Variants in TCF20 observed in about 807,000 individuals in gnomAD.
The protein encoded by TCF20 is transcription factor 20, also known as SPRE-binding protein.
A neutral mutation model predicts 148.6 loss-of-function variants in TCF20; 3 were observed. That is an observed-to-expected ratio of 0.02 (90% CI 0.01 to 0.05). The LOEUF (loss-of-function observed/expected upper bound fraction) is 0.05. Ranked by LOEUF, TCF20 falls within the 10% of genes least tolerant of loss-of-function variation. TCF20 has a pLI of 1.00. For synonymous variants in TCF20, 1,049 were observed against 909.5 expected (o/e 1.15, Z -2.76); for missense variants, 2,350 against 2,429.3 (o/e 0.97, Z 0.69).
rs377462271 is a variant in TCF20, at chr22:42,221,762, G to A, written c.-36-6421C>T. Among the ~76,000 whole-genome samples, 40 of 7,892 alleles carry A rather than the reference G, an allele frequency of 5.1e-3. No individual in the cohort carries two copies. The African/African-American group carries it at 0.11, about 22-fold the overall frequency. 5.2% of individuals were successfully genotyped at this position (7,892 alleles called of 152,430 possible). A position where few individuals can be genotyped will look rare whatever the true frequency, so the allele number is the denominator to read the frequency against. ...GGGTTTTTTTTTTTTTTTTTGAGAC[G>A]GAGTCTCGTTCTGTTGCCCAGGCTG... On this transcript the variant is annotated intron_variant, in intron 1 of 5. Transcript: ENST00000677622.
intron 1 of TCF20, among the ~76,000 whole-genome samples, chr22:42,248,889 C>G (rs1925133969): frequency 6.6e-6 from 1 of 152,166 alleles, no homozygotes; most frequent in South Asian, 2.1e-4. Flanking sequence ...GATTTGTGGA[C>G]TTAATTTTAG....
chr22:42,243,890 T>C (rs1924684393), intron 1 of TCF20, among the ~76,000 whole-genome samples: 1 of 152,046 alleles, frequency 6.6e-6, no homozygotes, highest in Non-Finnish European at 1.5e-5. Context: ...TAGGTATGGC[T>C]ATAGGAAAGA....
At chr22:42,193,445 C>A (rs982706305) in intron 2 of TCF20, among the ~76,000 whole-genome samples, 1 of 151,820 alleles carries the variant, frequency 6.6e-6, no homozygotes, top group Non-Finnish European at 1.5e-5. Flanking sequence ...AATCCTCTTG[C>A]CTCTACTTCC....
At chr22:42,198,860 TC>T (rs1003801310) in intron 2 of TCF20, among the ~76,000 whole-genome samples, 4 of 152,158 alleles carry the variant, frequency 2.6e-5, no homozygotes, top group Non-Finnish European at 5.9e-5. Context: ...AGACAGGGTT[TC>T]ACTGTGTTGG....
At chr22:42,178,164 C>T (rs1019537782) in intron 3 of TCF20, among the ~76,000 whole-genome samples, 3 of 152,090 alleles carry the variant, frequency 2.0e-5, no homozygotes, top group African/African-American at 7.2e-5. Context: ...CGCTCCATGC[C>T]CCTGCCCACA....
rs748206633 is a variant in TCF20, at chr22:42,210,799, A to G, written c.4507T>C (p.Leu1503=). 9 of 1,614,062 alleles carry G rather than the reference A, an allele frequency of 5.6e-6. No homozygotes were observed. The highest frequency in any genetic ancestry group is 1.3e-5 in the African/African-American group (1 of 74,904). ...DSKNVPPVGI[L]APEANPKAEE... ...GCCTTGGGGTTTGCCTCAGGGGCCA[A>G]TATGCCCACTGGAGGTACATTCTTT... Residue 1503 remains leucine, a synonymous_variant, in exon 2 of 6, where the codon TTG becomes CTG. Transcript: ENST00000677622. The surrounding 1 kb of genome is among the most constrained non-coding windows in gnomAD (Gnocchi z 4.7).
chr22:42,235,425 C>T (rs1923800848), intron 1 of TCF20, among the ~76,000 whole-genome samples: 1 of 152,140 alleles, frequency 6.6e-6, no homozygotes, highest in Admixed American at 6.5e-5. Flanking sequence ...CATCTCTCTC[C>T]TGAAGTGACA....
intron 2 of TCF20, among the ~76,000 whole-genome samples, chr22:42,184,534 T>TTA (rs1270761799): frequency 6.6e-6 from 1 of 152,190 alleles, no homozygotes; most frequent in African/African-American, 2.4e-5. Flanking sequence ...GCTATTTGCA[T>TTA]TATCATCCTC....
At chr22:42,229,018 C>T (rs149359720) in intron 1 of TCF20, among the ~76,000 whole-genome samples, 1 of 152,108 alleles carries the variant, frequency 6.6e-6, no homozygotes, top group East Asian at 1.9e-4. Flanking sequence ...TATGGCTGAA[C>T]AAAAAGATTT....
At chr22:42,335,262 C>T (rs995397593) in intron 1 of TCF20, among the ~76,000 whole-genome samples, 4 of 152,100 alleles carry the variant, frequency 2.6e-5, no homozygotes, top group African/African-American at 9.7e-5. Flanking sequence ...TTCTCCTGCC[C>T]CTGATAAAGG....
intron 1 of TCF20, among the ~76,000 whole-genome samples, chr22:42,260,614 AG>A (rs1487139168): frequency 6.6e-6 from 1 of 152,170 alleles, no homozygotes; most frequent in African/African-American, 2.4e-5. Context: ...CCTCCCAAGT[AG>A]CCGAGACCAC....
At chr22:42,307,547 G>A (rs73886032) in intron 1 of TCF20, among the ~76,000 whole-genome samples, 2,542 of 152,278 alleles carry the variant, frequency 0.017, 72 homozygotes, top group African/African-American at 0.059. Flanking sequence ...TCTCTCTCCC[G>A]GCCAAGGGCA....
intron 1 of TCF20, among the ~76,000 whole-genome samples, chr22:42,231,530 CAG>C (rs544516916): frequency 9.2e-5 from 14 of 152,162 alleles, no homozygotes; most frequent in African/African-American, 3.1e-4. Context: ...AACACAATGA[CAG>C]AAAATATTTT....
At chr22:42,224,661 T>C (rs1333310107) in intron 1 of TCF20, among the ~76,000 whole-genome samples, 2 of 151,216 alleles carry the variant, frequency 1.3e-5, no homozygotes, top group African/African-American at 2.4e-5. Flanking sequence ...CAGTAATATG[T>C]ATTAGAAGAA....
chr22:42,242,004 C>T (rs1405395342), intron 1 of TCF20, among the ~76,000 whole-genome samples: 2 of 151,900 alleles, frequency 1.3e-5, no homozygotes, highest in Non-Finnish European at 2.9e-5. Flanking sequence ...AGATCGAGAC[C>T]ATCCTGGCTA....
chr22:42,276,453 C>T (rs1227881964), intron 1 of TCF20: 1 of 152,182 alleles, frequency 6.6e-6, no homozygotes, highest in Non-Finnish European at 1.5e-5. Flanking sequence ...CTCAAGAGTC[C>T]TGACTCTTAT....
intron 1 of TCF20, among the ~76,000 whole-genome samples, chr22:42,330,623 T>G (rs2147058050): frequency 6.6e-6 from 1 of 152,292 alleles, no homozygotes; most frequent in Non-Finnish European, 1.5e-5. Context: ...ATTAAATGAA[T>G]AAATAAATGA....
intron 1 of TCF20, among the ~76,000 whole-genome samples, chr22:42,311,783 C>T (rs547208538): frequency 2.6e-5 from 4 of 152,324 alleles, no homozygotes; most frequent in South Asian, 2.1e-4. Context: ...GGAGCTGCCG[C>T]GTGTCCTCCC....
Position 42,161,210 on chromosome 22 carries a change from T to C in TCF20, c.*193A>G. The C allele has an allele frequency of 1.1e-6, 1 of 937,194 alleles. No homozygotes were observed. Among genetic ancestry groups the C allele is most frequent in the Non-Finnish European group, 1.5e-6 (1 of 646,300 alleles). 58.1% of individuals were successfully genotyped at this position (937,194 alleles called of 1,614,324 possible). On this transcript the variant is annotated 3_prime_UTR_variant, in exon 6 of 6. Coordinates refer to ENST00000677622, the MANE Select transcript of TCF20 (RefSeq NM_001378418.1). ...TCTTTCTTTCCTGTGGTGTCACTGG[T>C]TTGAGTGTGATGTGAGAACTTAAGG...
Sources: gnomAD v4.1 joint callset for allele counts (sites outside exome capture counted in the v4.1 genomes callset) on GRCh38, gnomAD v4.1.1 for gene constraint, Gnocchi (gnomAD v3.1) non-coding constraint, MANE v1.5 for transcripts, NCBI Gene and HGNC (gene_info 2026-07-23, HGNC 2026-07-21) for gene names.